PLEKHB2: variants seen among roughly 807,000 people sequenced by gnomAD.
PLEKHB2 encodes pleckstrin homology domain containing B2.
PLEKHB2 carries 31 observed loss-of-function variants against 36.5 expected under a neutral mutation model. The observed-to-expected ratio is 0.85, with a 90% confidence interval of 0.64 to 1.15. PLEKHB2 has a LOEUF of 1.15. Ranked by LOEUF, PLEKHB2 falls within the 50% of genes most tolerant of loss-of-function variation. The pLI is 0.00. For synonymous variants in PLEKHB2, 119 were observed against 112.0 expected (o/e 1.06, Z -0.39); for missense variants, 262 against 295.3 (o/e 0.89, Z 0.83).
chr2:131,138,852 G>A (rs1183170136), intron 6 of PLEKHB2, among the ~76,000 whole-genome samples: 1 of 152,140 alleles, frequency 6.6e-6, no homozygotes, highest in Non-Finnish European at 1.5e-5. Context: ...CTCCCCACAT[G>A]GTCTTCATGG....
intron 1 of PLEKHB2, among the ~76,000 whole-genome samples, chr2:131,113,120 C>T (rs371772626): frequency 1.1e-4 from 16 of 151,400 alleles, no homozygotes; most frequent in African/African-American, 3.6e-4. Flanking sequence ...GGTCTCACTC[C>T]TGCCCAGGTT....
In PLEKHB2 at chr2:131,125,734, T is replaced by C. The variant is rs756793722; in HGVS notation, c.38-19T>C. ...GTCTCTAAAAAAAAAAAAACAACCG[T>C]ACTATTTTTTTTTTCCAGGTACTAT... On this transcript the variant is annotated intron_variant, in intron 2 of 7. Coordinates refer to ENST00000693505, the MANE Select transcript of PLEKHB2 (RefSeq NM_001100623.2). 2.7e-5 allele frequency: 43 copies of C among 1,567,342 alleles called. No homozygotes were observed. The highest frequency in any genetic ancestry group is 3.6e-5 in the Non-Finnish European group (42 of 1,158,748).
chr2:131,114,326 GT>G (rs1695636864), intron 1 of PLEKHB2, among the ~76,000 whole-genome samples: 1 of 152,118 alleles, frequency 6.6e-6, no homozygotes, highest in South Asian at 2.1e-4. Context: ...GGGTTTCATC[GT>G]GTTAGCCAGG....
In PLEKHB2 at chr2:131,144,425, C is replaced by A. The variant is rs1017078070; in HGVS notation, c.533-2212C>A. ...TCTTGTAGAGACCATCCTCATGACA[C>A]GTCATTGCACTGCAGTTTCCAGGGG... On this transcript the variant is annotated intron_variant, in intron 7 of 7. Transcript: ENST00000693505. 5 of 1,228,346 alleles carry A rather than the reference C, an allele frequency of 4.1e-6. No individual in the cohort carries two copies. In the African/African-American group the frequency reaches 7.8e-5, roughly 19 times the overall value. 76.1% of individuals were successfully genotyped at this position (1,228,346 alleles called of 1,614,324 possible).
chr2:131,128,487 A>G (rs1026896897), intron 4 of PLEKHB2, among the ~76,000 whole-genome samples: 4 of 152,186 alleles, frequency 2.6e-5, no homozygotes, highest in African/African-American at 9.7e-5. Context: ...CACACTCACC[A>G]TCTATCAACT....
rs750494314 is a variant in PLEKHB2 at position 131,126,735 on chromosome 2, G to C, written c.242G>C (p.Cys81Ser). The C allele has an allele frequency of 1.2e-6, 2 of 1,612,152 alleles. No homozygotes were observed. Among genetic ancestry groups the C allele is most frequent in the East Asian group, 4.5e-5 (2 of 44,878 alleles). The change falls in exon 4 of 8, where the codon TGT (cysteine) becomes TCT (serine). Residue 81 changes from cysteine (C) to serine (S), a missense_variant. Transcript: ENST00000693505. ...KSKDCMLQIV[C>S]RDGKTISLCA... ...AAAGACTGCATGCTCCAGATTGTTT[G>C]TCGAGATGGGAAAACAATTAGTCTT... is the stretch of plus-strand genomic sequence containing the variant.
chr2:131,122,910 G>A (rs1298266746), intron 2 of PLEKHB2, among the ~76,000 whole-genome samples: 1 of 152,140 alleles, frequency 6.6e-6, no homozygotes, highest in Non-Finnish European at 1.5e-5. Flanking sequence ...GGGGACATGG[G>A]GACCCTTGCT....
intron 4 of PLEKHB2, among the ~76,000 whole-genome samples, chr2:131,129,026 G>T (rs1234235900): frequency 6.6e-6 from 1 of 152,246 alleles, no homozygotes; most frequent in Non-Finnish European, 1.5e-5. Flanking sequence ...GCATTCCTTA[G>T]AAAGCTAGAA....
At chr2:131,146,050 T>C (rs2113777) in intron 7 of PLEKHB2, among the ~76,000 whole-genome samples, 151,637 of 152,020 alleles carry the variant, frequency 1, 75,630 homozygotes, top group African/African-American at 1. Flanking sequence ...GGCGTGGTGG[T>C]GGGCGCCTAT....
chr2:131,131,637 G>A (rs1043913450), intron 5 of PLEKHB2, among the ~76,000 whole-genome samples: 8 of 152,076 alleles, frequency 5.3e-5, no homozygotes, highest in African/African-American at 1.9e-4. Flanking sequence ...GCATGTGGGA[G>A]AAGAAAGTAA....
chr2:131,123,750 T>C (rs1696768413), intron 2 of PLEKHB2, among the ~76,000 whole-genome samples: 3 of 136,734 alleles, frequency 2.2e-5, no homozygotes, highest in Admixed American at 1.5e-4. Flanking sequence ...GTCTTGAACT[T>C]CTGACCTCCT....
Position 131,149,750 on chromosome 2 carries a change from T to G in PLEKHB2, c.*2977T>G, listed in dbSNP as rs936943588. 3 of 152,260 alleles carry G rather than the reference T, an allele frequency of 2.0e-5. No individual in the cohort carries two copies. Among genetic ancestry groups the G allele is most frequent in the Non-Finnish European group, 2.9e-5 (2 of 68,040 alleles). 9.4% of individuals were successfully genotyped at this position (152,260 alleles called of 1,614,324 possible). A position where few individuals can be genotyped will look rare whatever the true frequency, so the allele number is the denominator to read the frequency against. Reference sequence around the variant, plus strand: ...GATTGCTTTCCCGTCTCTAGTAGTATTCTGTTGTGTCTAGAGAACTGATTT... The same window carrying G: ...GATTGCTTTCCCGTCTCTAGTAGTAGTCTGTTGTGTCTAGAGAACTGATTT... On this transcript the variant is annotated 3_prime_UTR_variant, in exon 8 of 8. Transcript: ENST00000693505.
chr2:131,116,302 C>T (rs1441650777), intron 1 of PLEKHB2, among the ~76,000 whole-genome samples: 1 of 152,326 alleles, frequency 6.6e-6, no homozygotes, highest in South Asian at 2.1e-4. Context: ...TGAGACTCAA[C>T]TGCCTGAAAA....
intron 6 of PLEKHB2, among the ~76,000 whole-genome samples, chr2:131,137,293 G>T (rs1422260339): frequency 6.6e-6 from 1 of 152,178 alleles, no homozygotes; most frequent in East Asian, 1.9e-4. Context: ...ATTTGTCACA[G>T]TTCTGGAGGC....
chr2:131,140,045 T>A (rs1698627055), intron 6 of PLEKHB2, 122 bp from the exon 7 acceptor site: 1 of 610,514 alleles, frequency 1.6e-6, no homozygotes, highest in South Asian at 2.1e-5. Context: ...CACTGTTTCA[T>A]GTTTTGTTTT....
At chr2:131,131,742 C>CTTCA (rs1468355449) in intron 5 of PLEKHB2, among the ~76,000 whole-genome samples, 47 of 147,772 alleles carry the variant, frequency 3.2e-4, no homozygotes, top group African/African-American at 1.2e-3. Flanking sequence ...GTTACCTTTT[C>CTTCA]TTCATGAAAA....
chr2:131,140,038 T>C (rs1307631740), intron 6 of PLEKHB2, 129 bp from the exon 7 acceptor site: 3 of 599,328 alleles, frequency 5.0e-6, no homozygotes, highest in African/African-American at 3.7e-5. Context: ...CTAACCACAC[T>C]GTTTCATGTT....
chr2:131,120,607 C>G, intron 1 of PLEKHB2: 1 of 387,056 alleles, frequency 2.6e-6, no homozygotes, highest in Non-Finnish European at 4.9e-6. Flanking sequence ...AGGGCTCCAG[C>G]AAGCCACGAG....
chr2:131,110,497 T>C (rs137940063), intron 1 of PLEKHB2, among the ~76,000 whole-genome samples: 2 of 152,262 alleles, frequency 1.3e-5, no homozygotes, highest in East Asian at 3.9e-4. Flanking sequence ...TACCTCAGTC[T>C]CCCGAGTAGG....
Sources: allele counts gnomAD v4.1 joint callset (sites outside exome capture counted in the v4.1 genomes callset), GRCh38; gene constraint gnomAD v4.1.1; transcripts MANE v1.5; gene names NCBI Gene and HGNC (gene_info 2026-07-23, HGNC 2026-07-21).